YJU2: variants seen among roughly 807,000 people sequenced by gnomAD.
YJU2 encodes the protein YJU2 splicing factor homolog.
A neutral mutation model predicts 39.6 loss-of-function variants in YJU2; 28 were observed. The observed-to-expected ratio is 0.71, with a 90% CI of 0.52 to 0.97. The LOEUF (loss-of-function observed/expected upper bound fraction) is 0.97, where lower values mean the gene tolerates loss of function less well. Among genes scored for constraint, YJU2 ranks in the 50% least tolerant of loss-of-function variants. The probability of loss-of-function intolerance (pLI) is 0.00; values close to 1 mark genes in which losing one functional copy is unlikely to be tolerated. For missense variants in YJU2, 328 were observed against 430.4 expected (o/e 0.76, Z 2.11); for synonymous variants, 184 against 182.4 (o/e 1.01, Z -0.07).
Position 4,258,231 on chromosome 19 carries a change from G to T in YJU2, c.406-11G>T, listed in dbSNP as rs568020273. ...CCCATGCACTCAGCCCCGCCGCCCC[G>T]CGCCCGCCAGGTGCTGGAGAACCGG... On this transcript the variant is annotated splice_polypyrimidine_tract_variant and intron_variant, in intron 4 of 7. Coordinates refer to ENST00000262962, the MANE Select transcript of YJU2 (RefSeq NM_018074.6). 9.0e-6 allele frequency: 14 copies of T among 1,550,516 alleles called. No individual in the cohort carries two copies. Among genetic ancestry groups the T allele is most frequent in the Admixed American group, 3.9e-5 (2 of 50,960 alleles).
At chr19:4,256,652 G>T (rs1971023507) in intron 4 of YJU2, among the ~76,000 whole-genome samples, 1 of 152,204 alleles carries the variant, frequency 6.6e-6, no homozygotes, top group Admixed American at 6.5e-5. Flanking sequence ...GATGGTTGTG[G>T]CTTGGGGGCT....
Position 4,268,598 on chromosome 19 carries a change from A to G in YJU2, c.874A>G (p.Arg292Gly). The G allele has an allele frequency of 6.2e-7, 1 of 1,612,622 alleles. No homozygotes were observed. The highest frequency in any genetic ancestry group is 2.2e-5 in the East Asian group (1 of 44,830). The change falls in exon 8 of 8, where the codon AGG becomes GGG. Residue 292 changes from arginine (R) to glycine (G), a missense_variant. Physicochemically the swap from Arg to Gly is moderately radical, Grantham distance 125 (BLOSUM62 -2). Transcript: ENST00000262962. ...AAPTPGAPQN[R>G]KEANPTPLTP... is the part of the protein sequence containing the mutation. ...TCTCCCACCAGGAGCCCCGCAGAAC[A>G]GGAAGGAGGCCAACCCTACACCCCT... is the stretch of plus-strand genomic sequence containing the variant.
chr19:4,248,636 G>GGGCA (rs1483041023), intron 1 of YJU2, among the ~76,000 whole-genome samples: 2 of 152,150 alleles, frequency 1.3e-5, no homozygotes, highest in African/African-American at 4.8e-5. Flanking sequence ...CCTCTACAAA[G>GGGCA]GGCAGGGCAT....
At chr19:4,250,754 T>C (rs1970969342) in intron 2 of YJU2, among the ~76,000 whole-genome samples, 1 of 152,054 alleles carries the variant, frequency 6.6e-6, no homozygotes, top group African/African-American at 2.4e-5. Context: ...CAAAGATTGC[T>C]TCTGGGAGTG....
chr19:4,265,574 G>T (rs894090437), intron 6 of YJU2, among the ~76,000 whole-genome samples: 1 of 149,668 alleles, frequency 6.7e-6, no homozygotes, highest in African/African-American at 2.5e-5. Flanking sequence ...GTAGAAACAG[G>T]TTTGGGAACT....
chr19:4,255,528 G>A (rs1370115842), intron 4 of YJU2, among the ~76,000 whole-genome samples: 2 of 151,932 alleles, frequency 1.3e-5, no homozygotes, highest in Admixed American at 1.3e-4. Context: ...AGGAGTTCAA[G>A]ACCAGCCTGG....
intron 5 of YJU2, among the ~76,000 whole-genome samples, chr19:4,260,464 C>A (rs900863485): frequency 6.6e-6 from 1 of 150,666 alleles, no homozygotes; most frequent in Admixed American, 6.7e-5. Flanking sequence ...TAGGTGCGGT[C>A]GGTGGCTCAC....
intron 3 of YJU2, among the ~76,000 whole-genome samples, chr19:4,253,265 G>A (rs1389175629): frequency 6.7e-6 from 1 of 149,924 alleles, no homozygotes; most frequent in Non-Finnish European, 1.5e-5. Context: ...GAAACTAAAG[G>A]TGGAATGTTA....
At chr19:4,249,184 G>C (rs1970955235) in intron 1 of YJU2, 44 bp from the exon 2 acceptor site, 1 of 1,386,838 alleles carries the variant, frequency 7.2e-7, no homozygotes. Context: ...TCCTGCCCCT[G>C]CTTCTGAAAA....
intron 1 of YJU2, among the ~76,000 whole-genome samples, chr19:4,247,748 G>T (rs1970942783): frequency 6.6e-6 from 1 of 150,986 alleles, no homozygotes; most frequent in South Asian, 2.1e-4. Flanking sequence ...CTGCCTTACA[G>T]TGGCCAAGAT....
At chr19:4,264,157 G>A (rs7260543) in intron 6 of YJU2, among the ~76,000 whole-genome samples, 4,800 of 148,854 alleles carry the variant, frequency 0.032, 247 homozygotes, top group African/African-American at 0.11. Context: ...AGCTACTCAG[G>A]AGGCTGAGAC....
intron 1 of YJU2, chr19:4,248,392 G>C (rs576716768): frequency 6.6e-6 from 1 of 152,336 alleles, no homozygotes; most frequent in South Asian, 2.1e-4. Context: ...AAGACTCTTG[G>C]AGACAGAGGA....
chr19:4,252,392 A>T (rs1050795388), intron 3 of YJU2, among the ~76,000 whole-genome samples: 11 of 151,712 alleles, frequency 7.3e-5, no homozygotes, highest in Admixed American at 7.2e-4. Context: ...AGGTCAGGAG[A>T]TCGAGACCAT....
In YJU2 at chr19:4,262,104, T is replaced by C. The variant is rs764661793; in HGVS notation, c.698T>C (p.Ile233Thr). Residue 233 changes from isoleucine to threonine, a missense_variant, in exon 6 of 8, where the codon ATC (isoleucine) becomes ACC (threonine). Physicochemically the swap from Ile to Thr is moderately conservative, Grantham distance 89. Around this residue, in one of 2 missense-constraint regions of YJU2, gnomAD observed 244 missense variants for 264.6 expected, o/e 0.92. Transcript: ENST00000262962. Reference protein sequence around the residue: ...QPALRPNPTAILDEAPKPKRK... With the variant: ...QPALRPNPTATLDEAPKPKRK... ...GCCCTTCGGCCCAACCCCACCGCCA[T>C]CCTGGATGAGGTAAGTGGGGTGCCT... The C allele has an allele frequency of 2.8e-5, 45 of 1,609,862 alleles. No homozygotes were observed. In the South Asian group the frequency reaches 4.9e-4, roughly 18 times the overall value.
intron 2 of YJU2, 96 bp downstream of exon 2, chr19:4,249,424 T>C (rs1040607803): frequency 4.0e-6 from 3 of 742,622 alleles, no homozygotes; most frequent in Non-Finnish European, 6.8e-6. Context: ...TAAGACCAGA[T>C]CACTGGTCTT....
rs1970938939 is a variant in YJU2, at chr19:4,247,639, GTGTGT to G, written c.24+470_24+474del. ...TGTGTGTGTGTGTGTGTGTGTGTGT[GTGTGT>G]GTGTGTGTGTGTGTGTGTGTGTGTG... On this transcript the variant is annotated intron_variant, in intron 1 of 7. Transcript: ENST00000262962. 5.8e-4 allele frequency among the ~76,000 whole-genome samples: 39 copies of G among 66,692 alleles called. 5 individuals carry two copies. Among genetic ancestry groups the G allele is most frequent in the Admixed American group, 1.0e-3 (7 of 6,938 alleles). The allele number at this position is 66,692 out of a possible 152,430, so 43.8% of individuals were successfully genotyped here. A position where few individuals can be genotyped will look rare whatever the true frequency, so the allele number is the denominator to read the frequency against.
chr19:4,254,335 T>G lies in YJU2; in HGVS notation c.271-20T>G, dbSNP rs1426823792. On this transcript the variant is annotated intron_variant, in intron 3 of 7. Transcript: ENST00000262962. ...GTGCCTGGGGATGTAGGAGCTGATG[T>G]CTGTCTATCCTCCCTGCAGACAGAC... is the stretch of plus-strand genomic sequence containing the variant. 5 of 1,598,704 alleles carry G rather than the reference T, an allele frequency of 3.1e-6. No homozygotes were observed. The African/African-American group carries it at 6.7e-5, about 21-fold the overall frequency.
chr19:4,259,752 C>G (rs764222805), intron 5 of YJU2, among the ~76,000 whole-genome samples: 3 of 152,088 alleles, frequency 2.0e-5, no homozygotes, highest in African/African-American at 4.8e-5. Context: ...CTCATCTCCC[C>G]TCCCTCCTTT....
intron 6 of YJU2, among the ~76,000 whole-genome samples, chr19:4,263,378 G>A (rs1367551906): frequency 3.3e-5 from 5 of 152,118 alleles, no homozygotes; most frequent in African/African-American, 9.7e-5. Context: ...GGAGGACCAC[G>A]CAGCCTCAGA....
Sources: gnomAD v4.1 joint callset for allele counts (sites outside exome capture counted in the v4.1 genomes callset) on GRCh38, gnomAD v4.1.1 for gene constraint, gnomAD v4.1.1 regional missense constraint, MANE v1.5 for transcripts, NCBI Gene and HGNC (gene_info 2026-07-23, HGNC 2026-07-21) for gene names.